PCNX1: variants seen among roughly 807,000 people sequenced by gnomAD.
PCNX1 encodes the protein pecanex-like protein 1.
PCNX1 carries 78 observed loss-of-function variants against 242.2 expected under a neutral mutation model. The observed-to-expected ratio is 0.32, with a 90% confidence interval of 0.27 to 0.39. PCNX1 has a LOEUF of 0.39. Ranked by LOEUF, PCNX1 falls within the 10% of genes least tolerant of loss-of-function variation. The pLI is 1.00. For synonymous variants in PCNX1, 1,024 were observed against 1,032.9 expected (o/e 0.99, Z 0.17); for missense variants, 2,581 against 2,856.5 (o/e 0.90, Z 2.20).
chr14:70,928,768 C>T (rs551285191), intron 1 of PCNX1, among the ~76,000 whole-genome samples: 5 of 152,200 alleles, frequency 3.3e-5, no homozygotes, highest in South Asian at 4.1e-4. Flanking sequence ...TGATACCATC[C>T]GGATAATACT....
Position 71,076,172 on chromosome 14 carries a change from T to TG in PCNX1, c.5107-16dup. Reference sequence around the variant, plus strand: ...AATTTAATCTGAATTCTTTTTTTTTTGTCTTGTTCATGTTAGGGTATCATT... The same window carrying TG: ...AATTTAATCTGAATTCTTTTTTTTTTGGTCTTGTTCATGTTAGGGTATCATT... On this transcript the variant is annotated splice_polypyrimidine_tract_variant and intron_variant, in intron 27 of 35. Transcript: ENST00000304743. 2 of 1,409,032 alleles carry TG rather than the reference T, an allele frequency of 1.4e-6. No individual in the cohort carries two copies. The highest frequency in any genetic ancestry group is 1.4e-5 in the African/African-American group (1 of 70,214). 87.3% of individuals were successfully genotyped at this position (1,409,032 alleles called of 1,614,324 possible).
chr14:71,046,562 G>A (rs2060866959), intron 20 of PCNX1, among the ~76,000 whole-genome samples: 1 of 152,000 alleles, frequency 6.6e-6, no homozygotes, highest in Non-Finnish European at 1.5e-5. Flanking sequence ...AAATAATATT[G>A]TAGCATTGGA....
At chr14:70,992,659 G>T (rs1324697409) in intron 7 of PCNX1, among the ~76,000 whole-genome samples, 1 of 152,182 alleles carries the variant, frequency 6.6e-6, no homozygotes, top group Admixed American at 6.5e-5. Flanking sequence ...AATTAAGATT[G>T]CATGTCAGTG....
chr14:70,952,686 T>A (rs543555872), intron 2 of PCNX1, among the ~76,000 whole-genome samples: 1 of 152,184 alleles, frequency 6.6e-6, no homozygotes, highest in South Asian at 2.1e-4. Context: ...ACTGTAAGAA[T>A]AGACCATAGT....
At chr14:71,039,548 A>G (rs1037093619) in intron 19 of PCNX1, among the ~76,000 whole-genome samples, 5 of 152,204 alleles carry the variant, frequency 3.3e-5, no homozygotes, top group Admixed American at 6.5e-5. Flanking sequence ...ATTGGAAATG[A>G]CATGCCACCA....
At chr14:71,012,751 G>T in intron 10 of PCNX1, 1 of 422,220 alleles carries the variant, frequency 2.4e-6, no homozygotes, top group East Asian at 5.1e-5. Flanking sequence ...AGAATTGCTT[G>T]AACCGGGGAG....
chr14:70,910,930 G>A (rs2055875091), intron 1 of PCNX1, among the ~76,000 whole-genome samples: 1 of 152,136 alleles, frequency 6.6e-6, no homozygotes, highest in African/African-American at 2.4e-5. Flanking sequence ...AAGTAAAGAG[G>A]GACCCTGATC....
intron 2 of PCNX1, among the ~76,000 whole-genome samples, chr14:70,958,178 A>G (rs903156734): frequency 6.6e-6 from 1 of 152,172 alleles, no homozygotes; most frequent in Non-Finnish European, 1.5e-5. Context: ...TGAATTGGCC[A>G]TATGTTTACC....
At chr14:70,957,247 C>T (rs1223116178) in intron 2 of PCNX1, among the ~76,000 whole-genome samples, 2 of 152,060 alleles carry the variant, frequency 1.3e-5, no homozygotes, top group African/African-American at 4.8e-5. Context: ...TCTTGGCCTC[C>T]CGCGTGCTAG....
At chr14:70,970,003 C>CCT (rs1203985346) in intron 5 of PCNX1, 5 of 117,188 alleles carry the variant, frequency 4.3e-5, no homozygotes, top group Non-Finnish European at 8.0e-5. Flanking sequence ...CATACAGGTA[C>CCT]ATATGTATGT....
At chr14:70,966,980 TAGA>T (rs1396204203) in intron 3 of PCNX1, among the ~76,000 whole-genome samples, 1 of 152,218 alleles carries the variant, frequency 6.6e-6, no homozygotes, top group Non-Finnish European at 1.5e-5. Context: ...TAGGAAAAAC[TAGA>T]AGAACCAAGC....
chr14:71,053,506 T>C, intron 24 of PCNX1: 1 of 337,834 alleles, frequency 3.0e-6, no homozygotes, highest in East Asian at 8.5e-5. Flanking sequence ...TTAGTTGAGA[T>C]GGGGTTTCAC....
chr14:70,998,708 G>A (rs539562548), intron 8 of PCNX1, among the ~76,000 whole-genome samples: 49 of 141,286 alleles, frequency 3.5e-4, no homozygotes, highest in East Asian at 2.1e-4. Context: ...CCAAGATTGC[G>A]CCGCTGTACT....
intron 26 of PCNX1, among the ~76,000 whole-genome samples, chr14:71,061,019 C>G (rs1487373414): frequency 3.3e-5 from 5 of 152,116 alleles, no homozygotes; most frequent in African/African-American, 7.2e-5. Flanking sequence ...TTTTGGAACT[C>G]TAGATAAGCT....
At chr14:70,997,735 A>G (rs1207318713) in intron 8 of PCNX1, among the ~76,000 whole-genome samples, 2 of 152,220 alleles carry the variant, frequency 1.3e-5, no homozygotes, top group African/African-American at 4.8e-5. Flanking sequence ...TACCTGTTCC[A>G]ATGCCTATAA....
At chr14:71,088,827 T>C (rs2062058780) in intron 29 of PCNX1, among the ~76,000 whole-genome samples, 1 of 152,206 alleles carries the variant, frequency 6.6e-6, no homozygotes, top group African/African-American at 2.4e-5. Context: ...GGATTCTAAA[T>C]CTAAACTGAA....
intron 14 of PCNX1, 53 bp downstream of exon 14, chr14:71,026,341 AC>A: frequency 9.6e-7 from 1 of 1,041,098 alleles, no homozygotes. Flanking sequence ...TTGTATATCA[AC>A]ATTTTACTGA....
intron 1 of PCNX1, among the ~76,000 whole-genome samples, chr14:70,935,981 A>G (rs1381612514): frequency 6.6e-6 from 1 of 152,088 alleles, no homozygotes; most frequent in African/African-American, 2.4e-5. Flanking sequence ...TCTGAGATGT[A>G]TATGTGTTTA....
At chr14:71,000,958 G>C (rs562001772) in intron 8 of PCNX1, among the ~76,000 whole-genome samples, 3 of 152,278 alleles carry the variant, frequency 2.0e-5, no homozygotes, top group South Asian at 4.1e-4. Flanking sequence ...TTAACTATGC[G>C]ATCTTGGGAA....
Sources: allele counts gnomAD v4.1 joint callset (sites outside exome capture counted in the v4.1 genomes callset), GRCh38; gene constraint gnomAD v4.1.1; transcripts MANE v1.5; gene names NCBI Gene and HGNC (gene_info 2026-07-23, HGNC 2026-07-21).